Variants in SLC9A5 observed in about 807,000 individuals in gnomAD.
The protein encoded by SLC9A5 is solute carrier family 9 member A5.
A neutral mutation model predicts 91.7 loss-of-function variants in SLC9A5; 52 were observed. The observed-to-expected ratio is 0.57, with a 90% confidence interval of 0.45 to 0.71. The LOEUF (loss-of-function observed/expected upper bound fraction) is 0.71. Among genes scored for constraint, SLC9A5 ranks in the 30% least tolerant of loss-of-function variants. SLC9A5 has a pLI of 0.00. For missense variants in SLC9A5, 871 were observed against 1,158.9 expected (o/e 0.75, Z 3.61); for synonymous variants, 419 against 474.5 (o/e 0.88, Z 1.52).
At chr16:67,253,177 G>A (rs1340620010) in intron 2 of SLC9A5, among the ~76,000 whole-genome samples, 1 of 152,080 alleles carries the variant, frequency 6.6e-6, no homozygotes, top group African/African-American at 2.4e-5. Context: ...GCATAGCTGT[G>A]CATCATTTCT....
At chr16:67,267,818 A>G (rs962391587) in intron 15 of SLC9A5, among the ~76,000 whole-genome samples, 20 of 152,210 alleles carry the variant, frequency 1.3e-4, no homozygotes, top group Non-Finnish European at 2.4e-4. Flanking sequence ...AAATTTCAAA[A>G]TATACAATGA....
At chr16:67,268,703 TATATA>T (rs2035820914) in intron 15 of SLC9A5, among the ~76,000 whole-genome samples, 15 of 98,104 alleles carry the variant, frequency 1.5e-4, no homozygotes, top group African/African-American at 5.5e-4. Context: ...TATATATATA[TATATA>T]TATTTTTACA....
At chr16:67,268,630 T>C (rs1397316833) in intron 15 of SLC9A5, among the ~76,000 whole-genome samples, 1 of 126,696 alleles carries the variant, frequency 7.9e-6, no homozygotes, top group Non-Finnish European at 1.7e-5. Flanking sequence ...TAAAAATCTG[T>C]CATCAAACAT....
rs377394048 is a variant in SLC9A5, at chr16:67,258,476, T to C, written c.1626+29T>C. ...GGCCAGCAGCTTCCAGGTGGGCCAG[T>C]GGTGGGTGGGCAGATGGTCAGCAGA... On this transcript the variant is annotated intron_variant, in intron 10 of 15. Coordinates refer to ENST00000299798, the MANE Select transcript of SLC9A5 (RefSeq NM_004594.3). This position sits in a 1 kb window ranked among gnomAD's most constrained non-coding sequence, Gnocchi z 4.5. The C allele has an allele frequency of 4.3e-6, 7 of 1,613,456 alleles. No individual in the cohort carries two copies. The highest frequency in any genetic ancestry group is 1.7e-4 in the Middle Eastern group (1 of 5,908).
chr16:67,257,374 G>A lies in SLC9A5; in HGVS notation c.1365G>A (p.Trp455Ter). The A allele has an allele frequency of 6.2e-7, 1 of 1,614,196 alleles. No individual in the cohort carries two copies. The highest frequency in any genetic ancestry group is 8.5e-7 in the Non-Finnish European group (1 of 1,180,008). The change falls in exon 8 of 16, where the codon TGG becomes TGA. Residue 455 changes from tryptophan to a stop codon, truncating the protein, a stop_gained. Coordinates refer to ENST00000299798, the MANE Select transcript of SLC9A5 (RefSeq NM_004594.3). LOFTEE classifies it high-confidence loss of function. The surrounding 1 kb of genome is among the most constrained non-coding windows in gnomAD (Gnocchi z 5.1). Reference sequence around the variant, plus strand: ...TGACCATCAAGCCACTGGTCAAATGGCTGAAGGTGAAGAGGAGTGAGCATC... The same window carrying A: ...TGACCATCAAGCCACTGGTCAAATGACTGAAGGTGAAGAGGAGTGAGCATC... ...QGLTIKPLVK[W>*]LKVKRSEHHK...
In SLC9A5 at chr16:67,260,166, T is replaced by C. The variant is rs202061078; in HGVS notation, c.1842+220T>C. 2.0e-4 allele frequency among the ~76,000 whole-genome samples: 31 copies of C among 151,792 alleles called. No homozygotes were observed. The East Asian group carries it at 4.8e-3, about 24-fold the overall frequency. ...GAGTTTGAGACCAGCCTGGCCAACATGGTAAAAATGAAACCCCATCTCTAC... is the reference window on the plus strand; with the variant it reads ...GAGTTTGAGACCAGCCTGGCCAACACGGTAAAAATGAAACCCCATCTCTAC... On this transcript the variant is annotated intron_variant, in intron 12 of 15. Coordinates refer to ENST00000299798, the MANE Select transcript of SLC9A5 (RefSeq NM_004594.3).
chr16:67,252,980 G>A lies in SLC9A5; in HGVS notation c.490+136G>A. ...GTCCCTCCCTCTGGAGTGCAAGGCA[G>A]TGCTCCCGCTGGGGTTCAGGCCTCA... On this transcript the variant is annotated intron_variant, in intron 2 of 15. Coordinates refer to ENST00000299798, the MANE Select transcript of SLC9A5 (RefSeq NM_004594.3). This position sits in a 1 kb window ranked among gnomAD's most constrained non-coding sequence, Gnocchi z 4.0. 1.3e-6 allele frequency: 1 copy of A among 780,090 alleles called. No homozygotes were observed. Among genetic ancestry groups the A allele is most frequent in the Non-Finnish European group, 2.0e-6 (1 of 500,394 alleles). 48.3% of individuals were successfully genotyped at this position (780,090 alleles called of 1,614,324 possible). A position where few individuals can be genotyped will look rare whatever the true frequency, so the allele number is the denominator to read the frequency against.
chr16:67,256,596 C>G lies in SLC9A5; in HGVS notation c.1039C>G (p.Leu347Val), dbSNP rs759050612. 1.2e-6 allele frequency: 2 copies of G among 1,614,132 alleles called. No homozygotes were observed. Among genetic ancestry groups the G allele is most frequent in the Non-Finnish European group, 1.7e-6 (2 of 1,179,964 alleles). The stretch of plus-strand genomic sequence containing the variant: ...TGCTGAGACCGTGATCTTCATGCTG[C>G]TTGGCATCTCAGCCGTGGACTCTTC... Reference protein sequence around the residue: ...SCAETVIFMLLGISAVDSSKW... With the variant: ...SCAETVIFMLVGISAVDSSKW... Residue 347 changes from leucine to valine, a missense_variant, in exon 6 of 16, where the codon CTT (leucine) becomes GTT (valine). By Grantham distance (32) the Leu-to-Val change is conservative. Coordinates refer to ENST00000299798, the MANE Select transcript of SLC9A5 (RefSeq NM_004594.3). This position sits in a 1 kb window ranked among gnomAD's most constrained non-coding sequence, Gnocchi z 4.1.
intron 10 of SLC9A5, among the ~76,000 whole-genome samples, chr16:67,259,092 C>T (rs1329007874): frequency 6.6e-6 from 1 of 151,948 alleles, no homozygotes; most frequent in Non-Finnish European, 1.5e-5. Context: ...AACCCCGTCT[C>T]TACTAAAAAT....
chr16:67,260,354 C>CAA (rs397932908), intron 12 of SLC9A5, among the ~76,000 whole-genome samples: 312 of 30,994 alleles, frequency 0.01, 3 homozygotes, highest in Non-Finnish European at 0.013. Flanking sequence ...GACTCCATCT[C>CAA]AAAAAAAAAA....
At chr16:67,254,378 C>T (rs2035235382) in intron 2 of SLC9A5, among the ~76,000 whole-genome samples, 1 of 152,108 alleles carries the variant, frequency 6.6e-6, no homozygotes, top group Non-Finnish European at 1.5e-5. Flanking sequence ...TGCTACAGTG[C>T]TTTTTCCCTA....
At chr16:67,250,874 T>A (rs2035088828) in intron 1 of SLC9A5, among the ~76,000 whole-genome samples, 1 of 152,162 alleles carries the variant, frequency 6.6e-6, no homozygotes, top group Non-Finnish European at 1.5e-5. Context: ...TGTGTTCGCT[T>A]GTGGTCTGAG....
At chr16:67,251,478 A>G (rs1340940045) in intron 1 of SLC9A5, among the ~76,000 whole-genome samples, 2 of 124,072 alleles carry the variant, frequency 1.6e-5, no homozygotes, top group African/African-American at 6.5e-5. Context: ...CAGTGGCATG[A>G]TCTCGGCTCA....
chr16:67,264,399 G>C lies in SLC9A5; in HGVS notation c.1890G>C (p.Glu630Asp), dbSNP rs1375697247. 3.7e-6 allele frequency: 6 copies of C among 1,614,050 alleles called. No individual in the cohort carries two copies. Among genetic ancestry groups the C allele is most frequent in the Non-Finnish European group, 5.1e-6 (6 of 1,180,026 alleles). The part of the protein sequence containing the change: ...SRHFISEDAQ[E>D]RQDKEVFQQN... ...ACTTCATCTCAGAGGATGCGCAGGA[G>C]CGGCAGGACAAGGAGGTCTTCCAGC... The change falls in exon 13 of 16, where the codon GAG becomes GAC. Residue 630 changes from glutamate to aspartate, a missense_variant. This residue lies in a region of SLC9A5 where 454 missense variants were observed against 718.3 expected (regional missense o/e 0.63). Coordinates refer to ENST00000299798, the MANE Select transcript of SLC9A5 (RefSeq NM_004594.3).
chr16:67,269,987 A>G (rs932324970), intron 15 of SLC9A5, among the ~76,000 whole-genome samples: 4 of 152,122 alleles, frequency 2.6e-5, no homozygotes, highest in Non-Finnish European at 4.4e-5. Context: ...GTACTCAGGC[A>G]GGATGCTCAG....
In SLC9A5 at chr16:67,259,804, C is replaced by T. The variant is rs1371974980; in HGVS notation, c.1716-16C>T. 4.3e-6 allele frequency: 7 copies of T among 1,612,976 alleles called. No homozygotes were observed. The highest frequency in any genetic ancestry group is 1.7e-4 in the Middle Eastern group (1 of 6,058). On this transcript the variant is annotated splice_polypyrimidine_tract_variant and intron_variant, in intron 11 of 15. Transcript: ENST00000299798. ...CCTGCCCCCTCTCCAGCACATGTGT[C>T]CCCTGCCTCCTGCAGGAGGGAGAGT...
At position 67,252,625 on chromosome 16, in the gene SLC9A5, G is replaced by A; in HGVS notation, c.271G>A (p.Val91Ile). The change falls in exon 2 of 16, where the codon GTT becomes ATT. Residue 91 changes from valine (V) to isoleucine (I), a missense_variant. Physicochemically the swap from Val to Ile is conservative, Grantham distance 29 (BLOSUM62 3). This residue lies in a region of SLC9A5 where 122 missense variants were observed against 114.5 expected (regional missense o/e 1.07). Transcript: ENST00000299798. The surrounding 1 kb of genome is among the most constrained non-coding windows in gnomAD (Gnocchi z 4.0). ...GCTGGGCCTGGTGCTAGGGGGAATT[G>A]TTTTGGCTGTGGCCAAGAAAGCTGA... ...ILLGLVLGGIVLAVAKKAEYQ... is the reference protein window; with the variant it reads ...ILLGLVLGGIILAVAKKAEYQ... The A allele has an allele frequency of 6.2e-7, 1 of 1,614,172 alleles. No homozygotes were observed. The highest frequency in any genetic ancestry group is 1.3e-5 in the African/African-American group (1 of 75,058).
rs2035803675 is a variant in SLC9A5 at position 67,268,661 on chromosome 16, TATATATATATATATATATATATA to T, written c.2219-2076_2219-2054del. ...AACATCGTTCAAATTTCCCTGATTA[TATATATATATATATATATATATA>T]TATATATATATATATATATATATAT... On this transcript the variant is annotated intron_variant, in intron 15 of 15. Transcript: ENST00000299798. Among the ~76,000 whole-genome samples, 10 of 16,810 alleles carry T rather than the reference TATATATATATATATATATATATA, an allele frequency of 5.9e-4. 1 individual carries two copies. In the South Asian group the frequency reaches 0.013, roughly 21 times the overall value. 11.0% of individuals were successfully genotyped at this position (16,810 alleles called of 152,430 possible). A position where few individuals can be genotyped will look rare whatever the true frequency, so the allele number is the denominator to read the frequency against.
chr16:67,260,354 C>CAAAAAAAAAAAAA lies in SLC9A5; in HGVS notation c.1842+419_1842+431dup, dbSNP rs397932908. 7.4e-3 allele frequency among the ~76,000 whole-genome samples: 248 copies of CAAAAAAAAAAAAA among 33,412 alleles called. 20 individuals are homozygous for CAAAAAAAAAAAAA. The highest frequency in any genetic ancestry group is 0.023 in the African/African-American group (119 of 5,144). The allele number at this position is 33,412 out of a possible 152,430, so 21.9% of individuals were successfully genotyped here. On this transcript the variant is annotated intron_variant, in intron 12 of 15. Transcript: ENST00000299798. ...TGGGTAACAGAGCAAGACTCCATCT[C>CAAAAAAAAAAAAA]AAAAAAAAAAAAAAAAAAAAAAAGA...
Sources: allele counts gnomAD v4.1 joint callset (sites outside exome capture counted in the v4.1 genomes callset), GRCh38; gene constraint gnomAD v4.1.1; regional missense constraint gnomAD v4.1.1; non-coding constraint Gnocchi (gnomAD v3.1); transcripts MANE v1.5; gene names NCBI Gene and HGNC (gene_info 2026-07-23, HGNC 2026-07-21).